BCAS3: variants seen among roughly 807,000 people sequenced by gnomAD.
BCAS3 encodes the protein BCAS4/BCAS3 fusion.
A neutral mutation model predicts 116.1 loss-of-function variants in BCAS3; 53 were observed. That is an observed-to-expected ratio of 0.46 (90% CI 0.37 to 0.57). BCAS3 has a LOEUF of 0.57. Ranked by LOEUF, BCAS3 falls within the 20% of genes least tolerant of loss-of-function variation. The probability of loss-of-function intolerance (pLI) is 0.00; values close to 1 mark genes in which losing one functional copy is unlikely to be tolerated. For synonymous variants in BCAS3, 391 were observed against 408.2 expected, an observed-to-expected ratio of 0.96 and a Z score of 0.51; for missense variants, 917 against 1,165.4, an observed-to-expected ratio of 0.79 and a Z score of 3.10.
rs935614964 is a variant in BCAS3, at chr17:61,300,423, A to G, written c.2426-67904A>G. 6.6e-6 allele frequency among the ~76,000 whole-genome samples: 1 copy of G among 152,152 alleles called. No homozygotes were observed. Among genetic ancestry groups the G allele is most frequent in the African/African-American group, 2.4e-5 (1 of 41,420 alleles). On this transcript the variant is annotated intron_variant, in intron 22 of 23. Coordinates refer to ENST00000407086, the MANE Select transcript of BCAS3 (RefSeq NM_017679.5). This position sits in a 1 kb window ranked among gnomAD's most constrained non-coding sequence, Gnocchi z 5.1. ...TCCCAGAAGGCATTACTCAGGTGACATTTGGGGAAGGAAATGATCAGTAGG... is the reference window on the plus strand; with the variant it reads ...TCCCAGAAGGCATTACTCAGGTGACGTTTGGGGAAGGAAATGATCAGTAGG...
intron 6 of BCAS3, among the ~76,000 whole-genome samples, chr17:60,789,118 A>T (rs1190261555): frequency 6.6e-6 from 1 of 152,170 alleles, no homozygotes; most frequent in Non-Finnish European, 1.5e-5. Flanking sequence ...TCTCAGTGAA[A>T]ATTGATTAGT....
At position 60,726,861 on chromosome 17, in the gene BCAS3, G is replaced by GA. The variant is rs1431405244; in HGVS notation, c.321+17544dup. ...TGCCTAGTAAAATTTCGTAGAATAT[G>GA]AAAAAAAATTGTTATAACTGGAATA... On this transcript the variant is annotated intron_variant, in intron 5 of 23. Transcript: ENST00000407086. Among the ~76,000 whole-genome samples, 6 of 151,736 alleles carry GA rather than the reference G, an allele frequency of 4.0e-5. No individual in the cohort carries two copies. In the South Asian group the frequency reaches 8.3e-4, roughly 21 times the overall value.
rs189081879 is a variant in BCAS3, at chr17:61,150,290, C to G, written c.2425+65726C>G. On this transcript the variant is annotated intron_variant, in intron 22 of 23. Transcript: ENST00000407086. ...CCCACTCTTTAGGGCCATGGCTGCT[C>G]TGATTTATGAAACCCGATCAGGTTG... Among the ~76,000 whole-genome samples, 18 of 152,312 alleles carry G rather than the reference C, an allele frequency of 1.2e-4. No homozygotes were observed. The East Asian group carries it at 2.9e-3, about 24-fold the overall frequency.
In BCAS3 at chr17:61,261,549, C is replaced by T. The variant is rs1167760840; in HGVS notation, c.2426-106778C>T. Among the ~76,000 whole-genome samples the T allele has an allele frequency of 6.6e-6, 1 of 152,124 alleles. No individual in the cohort carries two copies. The highest frequency in any genetic ancestry group is 1.5e-5 in the Non-Finnish European group (1 of 68,024). On this transcript the variant is annotated intron_variant, in intron 22 of 23. Transcript: ENST00000407086. This position sits in a 1 kb window ranked among gnomAD's most constrained non-coding sequence, Gnocchi z 4.4. ...TTATTACATTCATTAGAAAAAAGAG[C>T]TGTTTATTTCTTTTCCGCATGTTTT...
Position 61,363,753 on chromosome 17 carries a change from C to T in BCAS3, c.2426-4574C>T, listed in dbSNP as rs1232320237. ...TATTTTGTCCTTTGCAAACAGCCTG[C>T]GCTAAGTGAGCGTCTTCTCCCTGCT... On this transcript the variant is annotated intron_variant, in intron 22 of 23. Coordinates refer to ENST00000407086, the MANE Select transcript of BCAS3 (RefSeq NM_017679.5). The surrounding 1 kb of genome is among the most constrained non-coding windows in gnomAD (Gnocchi z 4.9). Among the ~76,000 whole-genome samples the T allele has an allele frequency of 6.6e-6, 1 of 152,176 alleles. No homozygotes were observed. The highest frequency in any genetic ancestry group is 2.4e-5 in the African/African-American group (1 of 41,436).
rs564376229 is a variant in BCAS3 at position 61,156,918 on chromosome 17, TAAAA to T, written c.2425+72359_2425+72362del. ...ATTATTTTTCCTTTGAAACAACACTTAAAAAAAACAAATTCTACAACATTTAAAC... is the reference window on the plus strand; with the variant it reads ...ATTATTTTTCCTTTGAAACAACACTTAAAACAAATTCTACAACATTTAAAC... On this transcript the variant is annotated intron_variant, in intron 22 of 23. Transcript: ENST00000407086. The surrounding 1 kb of genome is among the most constrained non-coding windows in gnomAD (Gnocchi z 4.7). Among the ~76,000 whole-genome samples, 2 of 151,842 alleles carry T rather than the reference TAAAA, an allele frequency of 1.3e-5. No individual in the cohort carries two copies. The highest frequency in any genetic ancestry group is 2.1e-4 in the South Asian group (1 of 4,798).
chr17:60,765,278 C>T (rs571555785), intron 6 of BCAS3, among the ~76,000 whole-genome samples: 2 of 152,280 alleles, frequency 1.3e-5, no homozygotes, highest in Admixed American at 1.3e-4. Context: ...GCCATTTCTT[C>T]CTAGCATTGG....
intron 22 of BCAS3, among the ~76,000 whole-genome samples, chr17:61,320,684 A>G (rs1011285859): frequency 1.3e-5 from 2 of 152,112 alleles, no homozygotes; most frequent in Non-Finnish European, 1.5e-5. Flanking sequence ...TCAAAAAAAA[A>G]AAAAAAGAAT....
rs968253641 is a variant in BCAS3, at chr17:61,073,419, A to C, written c.2030-1501A>C. Among the ~76,000 whole-genome samples, 2 of 152,162 alleles carry C rather than the reference A, an allele frequency of 1.3e-5. No individual in the cohort carries two copies. Among genetic ancestry groups the C allele is most frequent in the African/African-American group, 4.8e-5 (2 of 41,436 alleles). ...TCTGTGTCTTTTAAAATCTTGCCCT[A>C]GGTTATGCTTTGTCTACTTTATTTG... On this transcript the variant is annotated intron_variant, in intron 19 of 23. Coordinates refer to ENST00000407086, the MANE Select transcript of BCAS3 (RefSeq NM_017679.5). The surrounding 1 kb of genome is among the most constrained non-coding windows in gnomAD (Gnocchi z 4.6).
In BCAS3 at chr17:61,145,044, A is replaced by T. The variant is rs993402446; in HGVS notation, c.2425+60480A>T. ...ACTGTTAGAACAAGATAACAACTCC[A>T]GGCCAGCTGTCAAATGTTTACCATT... On this transcript the variant is annotated intron_variant, in intron 22 of 23. Coordinates refer to ENST00000407086, the MANE Select transcript of BCAS3 (RefSeq NM_017679.5). This position sits in a 1 kb window ranked among gnomAD's most constrained non-coding sequence, Gnocchi z 5.0. Among the ~76,000 whole-genome samples the T allele has an allele frequency of 6.6e-6, 1 of 152,242 alleles. No individual in the cohort carries two copies. Among genetic ancestry groups the T allele is most frequent in the Non-Finnish European group, 1.5e-5 (1 of 68,034 alleles).
rs1009760157 is a variant in BCAS3, at chr17:60,932,995, C to T, written c.1087+8495C>T. Among the ~76,000 whole-genome samples the T allele has an allele frequency of 4.6e-5, 7 of 151,746 alleles. No individual in the cohort carries two copies. In the East Asian group the frequency reaches 5.9e-4, roughly 13 times the overall value. ...TTCGAGACCAGCCTGGCCAACATGGCGAAACCTCATCTCTACTAAAAATAC... is the reference window on the plus strand; with the variant it reads ...TTCGAGACCAGCCTGGCCAACATGGTGAAACCTCATCTCTACTAAAAATAC... On this transcript the variant is annotated intron_variant, in intron 13 of 23. Transcript: ENST00000407086.
At chr17:61,372,787 T>C (rs1386863419) in intron 23 of BCAS3, among the ~76,000 whole-genome samples, 1 of 152,044 alleles carries the variant, frequency 6.6e-6, no homozygotes, top group East Asian at 1.9e-4. Flanking sequence ...TCAAAATAAC[T>C]TGACTAATTC....
At chr17:60,817,152 G>A (rs1234038154) in intron 7 of BCAS3, among the ~76,000 whole-genome samples, 1 of 152,158 alleles carries the variant, frequency 6.6e-6, no homozygotes, top group Non-Finnish European at 1.5e-5. Context: ...TCATTAAAAT[G>A]CCATTTATTT....
In BCAS3 at chr17:61,328,587, G is replaced by A. The variant is rs114551165; in HGVS notation, c.2426-39740G>A. On this transcript the variant is annotated intron_variant, in intron 22 of 23. Transcript: ENST00000407086. ...TTCAAGACCAGCCTGGCAACATGGCGAAACTCCGTCTCTACAAAAAATATA... is the reference window on the plus strand; with the variant it reads ...TTCAAGACCAGCCTGGCAACATGGCAAAACTCCGTCTCTACAAAAAATATA... 3.3e-3 allele frequency among the ~76,000 whole-genome samples: 506 copies of A among 152,208 alleles called. 4 individuals carry two copies. Among genetic ancestry groups the A allele is most frequent in the African/African-American group, 0.012 (481 of 41,532 alleles).
rs767737839 is a variant in BCAS3, at chr17:60,788,899, T to A, written c.404-19105T>A. 8.8e-4 allele frequency among the ~76,000 whole-genome samples: 134 copies of A among 152,182 alleles called. 1 individual carries two copies. The highest frequency in any genetic ancestry group is 1.7e-3 in the Non-Finnish European group (113 of 68,010). On this transcript the variant is annotated intron_variant, in intron 6 of 23. Coordinates refer to ENST00000407086, the MANE Select transcript of BCAS3 (RefSeq NM_017679.5). ...ATGTATTGGCAATAGAATAAAACTT[T>A]ATGGATAAAATTTAGATTTGCAAAA...
intron 7 of BCAS3, among the ~76,000 whole-genome samples, chr17:60,850,677 A>G (rs545228603): frequency 2.0e-5 from 3 of 152,104 alleles, no homozygotes; most frequent in Non-Finnish European, 4.4e-5. Context: ...ACCTTTTCTG[A>G]CAAGCTTCTT....
chr17:61,010,247 A>G (rs1274031835), intron 15 of BCAS3, among the ~76,000 whole-genome samples: 5 of 151,740 alleles, frequency 3.3e-5, no homozygotes, highest in African/African-American at 4.8e-5. Context: ...CTGTGTTTTT[A>G]TAGTATAGAA....
At chr17:60,723,720 T>C (rs1346925813) in intron 5 of BCAS3, among the ~76,000 whole-genome samples, 8 of 127,386 alleles carry the variant, frequency 6.3e-5, no homozygotes, top group East Asian at 2.1e-4. Flanking sequence ...TCTTTTTTTT[T>C]TTTTTTTTTT....
chr17:60,791,033 C>T (rs1248055741), intron 6 of BCAS3, among the ~76,000 whole-genome samples: 3 of 152,072 alleles, frequency 2.0e-5, no homozygotes, highest in African/African-American at 4.8e-5. Flanking sequence ...TGAGCCACTG[C>T]ACTCGGCCTT....
Sources: allele counts gnomAD v4.1 joint callset (sites outside exome capture counted in the v4.1 genomes callset), GRCh38; gene constraint gnomAD v4.1.1; non-coding constraint Gnocchi (gnomAD v3.1); transcripts MANE v1.5; gene names NCBI Gene and HGNC (gene_info 2026-07-23, HGNC 2026-07-21).